The following SRPK2 variants were observed in gnomAD, a reference collection of about 807,000 sequenced individuals.
SRPK2 encodes SFRS protein kinase 2.
In SRPK2, 21 loss-of-function variants were observed where a neutral mutation model predicts 90.8. The observed-to-expected ratio is 0.23, with a 90% CI of 0.16 to 0.33. The LOEUF (loss-of-function observed/expected upper bound fraction) is 0.33. Ranked by LOEUF, SRPK2 falls within the 10% of genes least tolerant of loss-of-function variation. The pLI is 1.00. For synonymous variants in SRPK2, 288 were observed against 311.1 expected (o/e 0.93, Z 0.78); for missense variants, 620 against 869.0 (o/e 0.71, Z 3.60).
upstream of SRPK2, chr7:105,389,270 C>T: frequency 7.9e-7 from 1 of 1,273,118 alleles, no homozygotes. Context: ...GCCCGCTGCT[C>T]CATGCGCCCG....
chr7:105,120,010 A>G (rs951414362), intron 15 of SRPK2, among the ~76,000 whole-genome samples: 3 of 152,218 alleles, frequency 2.0e-5, no homozygotes, highest in African/African-American at 7.2e-5. Context: ...GATTATTAAA[A>G]TGCTCATTAA....
chr7:105,385,171 A>AAT (rs1821401293), intron 2 of SRPK2, among the ~76,000 whole-genome samples: 1 of 49,674 alleles, frequency 2.0e-5, no homozygotes, highest in Admixed American at 2.8e-4. Flanking sequence ...CGCGCCCGGC[A>AAT]TTTTTTTTTT....
chr7:105,320,882 G>A (rs117257806), intron 2 of SRPK2, among the ~76,000 whole-genome samples: 303 of 152,258 alleles, frequency 2.0e-3, no homozygotes, highest in Middle Eastern at 6.8e-3. Flanking sequence ...GCCCAGGCTG[G>A]AATGGCGGTG....
At chr7:105,342,941 G>A (rs1011994274) in intron 2 of SRPK2, among the ~76,000 whole-genome samples, 2 of 152,104 alleles carry the variant, frequency 1.3e-5, no homozygotes, top group Non-Finnish European at 2.9e-5. Context: ...AAATACAAAT[G>A]ACATAAAAAA....
At chr7:105,280,898 G>T in intron 2 of SRPK2, among the ~76,000 whole-genome samples, 1 of 120,442 alleles carries the variant, frequency 8.3e-6, no homozygotes. Context: ...AGTGAGCCGA[G>T]ATAGCGCCAC....
At position 105,135,483 on chromosome 7, in the gene SRPK2, C is replaced by G. The variant is rs146656732; in HGVS notation, c.1544-2379G>C. Among the ~76,000 whole-genome samples, 490 of 152,340 alleles carry G rather than the reference C, an allele frequency of 3.2e-3. 2 individuals carry two copies. The highest frequency in any genetic ancestry group is 0.011 in the African/African-American group (466 of 41,586). ...GAGGCCCAAGAGCAAGTTCCGCCCCCACAAACAACTCAAATCATAGGTCTA... is the reference window on the plus strand; with the variant it reads ...GAGGCCCAAGAGCAAGTTCCGCCCCGACAAACAACTCAAATCATAGGTCTA... On this transcript the variant is annotated intron_variant, in intron 11 of 15. Coordinates refer to ENST00000393651, the MANE Select transcript of SRPK2 (RefSeq NM_182692.3).
chr7:105,234,682 G>A (rs953925515), intron 2 of SRPK2, among the ~76,000 whole-genome samples: 62 of 152,048 alleles, frequency 4.1e-4, no homozygotes, highest in Non-Finnish European at 8.8e-5. Flanking sequence ...TATTGCGTTG[G>A]AGAGGCAGCC....
intron 2 of SRPK2, among the ~76,000 whole-genome samples, chr7:105,358,690 AAAAGAAAAG>A (rs1818079568): frequency 6.6e-6 from 1 of 152,184 alleles, no homozygotes; most frequent in Non-Finnish European, 1.5e-5. Context: ...CCTGTCTCAA[AAAAGAAAAG>A]AAAGAAAAAA....
At chr7:105,156,810 A>C (rs1806567651) in intron 7 of SRPK2, among the ~76,000 whole-genome samples, 1 of 152,140 alleles carries the variant, frequency 6.6e-6, no homozygotes, top group African/African-American at 2.4e-5. Flanking sequence ...GGCTGGTATC[A>C]TTATTTTCCC....
At chr7:105,340,499 G>A (rs1424613214) in intron 2 of SRPK2, among the ~76,000 whole-genome samples, 1 of 150,738 alleles carries the variant, frequency 6.6e-6, no homozygotes, top group Non-Finnish European at 1.5e-5. Context: ...TATCTCCCAG[G>A]CTCAAGTGAT....
chr7:105,244,294 G>C (rs1801258862), intron 2 of SRPK2, among the ~76,000 whole-genome samples: 1 of 152,240 alleles, frequency 6.6e-6, no homozygotes, highest in Non-Finnish European at 1.5e-5. Flanking sequence ...ACAGGGCCGG[G>C]CGCGGTGGCT....
intron 2 of SRPK2, among the ~76,000 whole-genome samples, chr7:105,270,332 GC>G (rs1805661103): frequency 6.6e-6 from 1 of 151,982 alleles, no homozygotes; most frequent in African/African-American, 2.4e-5. Context: ...CCTCAGCAGG[GC>G]CCCTCCCCTC....
upstream of SRPK2, chr7:105,388,998 C>A (rs1267323653): frequency 1.4e-5 from 14 of 1,023,706 alleles, no homozygotes; most frequent in Non-Finnish European, 1.6e-5. Context: ...CCGCCCCGCC[C>A]CCACCCGCCG....
intron 11 of SRPK2, among the ~76,000 whole-genome samples, chr7:105,139,958 C>A (rs201769414): frequency 6.6e-6 from 1 of 152,072 alleles, no homozygotes; most frequent in Admixed American, 6.5e-5. Flanking sequence ...CCAAAATCCA[C>A]AGATGCTCAA....
intron 2 of SRPK2, among the ~76,000 whole-genome samples, chr7:105,280,080 G>A (rs1419924301): frequency 6.6e-6 from 1 of 152,056 alleles, no homozygotes; most frequent in Non-Finnish European, 1.5e-5. Flanking sequence ...GATATTAACA[G>A]ACAACTGAAA....
chr7:105,332,560 T>C (rs1270086642), intron 2 of SRPK2, among the ~76,000 whole-genome samples: 2 of 152,022 alleles, frequency 1.3e-5, no homozygotes. Context: ...GGTCAGGAGT[T>C]CAAGACCAGA....
chr7:105,207,919 T>C (rs188397762), intron 2 of SRPK2, among the ~76,000 whole-genome samples: 31 of 152,276 alleles, frequency 2.0e-4, no homozygotes, highest in East Asian at 5.8e-4. Context: ...GACTTGTATC[T>C]AGAATATATA....
At chr7:105,323,995 G>GTATA (rs567000747) in intron 2 of SRPK2, among the ~76,000 whole-genome samples, 1 of 147,848 alleles carries the variant, frequency 6.8e-6, no homozygotes, top group South Asian at 2.2e-4. Context: ...GTGTGTGTGT[G>GTATA]TGTGTGTGTG....
At chr7:105,153,769 G>A (rs1286494320) in intron 7 of SRPK2, among the ~76,000 whole-genome samples, 4 of 152,122 alleles carry the variant, frequency 2.6e-5, no homozygotes, top group Non-Finnish European at 1.5e-5. Context: ...AGCACCCAGA[G>A]AAACCCACGT....
Sources: allele counts gnomAD v4.1 joint callset (sites outside exome capture counted in the v4.1 genomes callset), GRCh38; gene constraint gnomAD v4.1.1; transcripts MANE v1.5; gene names NCBI Gene and HGNC (gene_info 2026-07-23, HGNC 2026-07-21).